The following CAPN14 variants were observed in gnomAD, a reference collection of about 807,000 sequenced individuals.
CAPN14 encodes calpain-14.
In CAPN14, 94 loss-of-function variants were observed where a neutral mutation model predicts 101.3. The observed-to-expected ratio is 0.93, with a 90% confidence interval of 0.79 to 1.10. CAPN14 has a LOEUF of 1.10. CAPN14 is among the 50% of genes least tolerant of loss of function. CAPN14 has a pLI of 0.00. For synonymous variants in CAPN14, 338 were observed against 317.9 expected (o/e 1.06, Z -0.67); for missense variants, 837 against 828.4 (o/e 1.01, Z -0.13).
chr2:31,198,863 C>T (rs1415889815), intron 7 of CAPN14, among the ~76,000 whole-genome samples: 3 of 152,198 alleles, frequency 2.0e-5, no homozygotes, highest in African/African-American at 7.2e-5. Context: ...AACCCAACAT[C>T]ACCTCCTCTG....
At chr2:31,186,123 T>C (rs1271634700) in intron 16 of CAPN14, among the ~76,000 whole-genome samples, 1 of 152,210 alleles carries the variant, frequency 6.6e-6, no homozygotes, top group South Asian at 2.1e-4. Flanking sequence ...CCACATGGAA[T>C]TGATATGCCA....
chr2:31,196,850 C>T (rs1456287114), intron 8 of CAPN14, among the ~76,000 whole-genome samples: 1 of 152,184 alleles, frequency 6.6e-6, no homozygotes, highest in Non-Finnish European at 1.5e-5. Context: ...CAGGGAAAGA[C>T]ACTGAACCCA....
At chr2:31,176,939 C>A in intron 20 of CAPN14, 87 bp downstream of exon 20, 2 of 988,688 alleles carry the variant, frequency 2.0e-6, no homozygotes, top group Non-Finnish European at 1.5e-6. Flanking sequence ...TGGCGGCTGT[C>A]CTCCCTTGTG....
At chr2:31,203,192 G>C (rs996454338) in intron 2 of CAPN14, 53 bp from the exon 3 acceptor site, 46 of 1,449,584 alleles carry the variant, frequency 3.2e-5, no homozygotes, top group Non-Finnish European at 4.3e-5. Context: ...AAAGCTCCTG[G>C]AGCTACAGTG....
chr2:31,193,085 G>A (rs961873421), intron 10 of CAPN14, 46 bp downstream of exon 10: 28 of 1,506,940 alleles, frequency 1.9e-5, no homozygotes, highest in South Asian at 1.2e-4. Context: ...TGACACCCCC[G>A]CCCACAACCT....
chr2:31,213,345 G>C (rs1682490483), intron 1 of CAPN14, among the ~76,000 whole-genome samples: 1 of 152,224 alleles, frequency 6.6e-6, no homozygotes, highest in South Asian at 2.1e-4. Flanking sequence ...CTACAGCCTG[G>C]ATAAATAAAG....
chr2:31,209,584 T>G (rs941065586), intron 1 of CAPN14, among the ~76,000 whole-genome samples: 1 of 152,194 alleles, frequency 6.6e-6, no homozygotes, highest in Non-Finnish European at 1.5e-5. Context: ...TTGTCTCTCC[T>G]GATAACCCTC....
chr2:31,222,613 T>C (rs1362405314), intron 2 of CAPN14, among the ~76,000 whole-genome samples: 1 of 152,250 alleles, frequency 6.6e-6, no homozygotes, highest in Non-Finnish European at 1.5e-5. Flanking sequence ...TGGTACATAA[T>C]ATGCACTCAA....
rs1680384097 is a variant in CAPN14 at position 31,177,798 on chromosome 2, A to G, written c.1803T>C (p.Arg601=). The change falls in exon 19 of 22, where the codon CGT becomes CGC. Residue 601 remains arginine, a synonymous_variant. Coordinates refer to ENST00000403897, the MANE Select transcript of CAPN14 (RefSeq NM_001145122.2). ...GCTCCCAGTTCAGGTATCCTGACCCACGGTCTTGCTTGTGGAAAACCTTCT... is the reference window on the plus strand; with the variant it reads ...GCTCCCAGTTCAGGTATCCTGACCCGCGGTCTTGCTTGTGGAAAACCTTCT... ...LSQKVFHKQD[R]GSGYLNWEQL... is the part of the protein sequence containing the mutation. 6.4e-7 allele frequency: 1 copy of G among 1,551,852 alleles called. No individual in the cohort carries two copies. Among genetic ancestry groups the G allele is most frequent in the Non-Finnish European group, 8.7e-7 (1 of 1,147,020 alleles).
chr2:31,194,607 C>A, intron 8 of CAPN14, 124 bp from the exon 9 acceptor site: 1 of 668,396 alleles, frequency 1.5e-6, no homozygotes, highest in Non-Finnish European at 2.6e-6. Context: ...ATTTCCCATT[C>A]CATATTATAC....
At chr2:31,203,649 T>C (rs535369203) in intron 2 of CAPN14, among the ~76,000 whole-genome samples, 176 of 152,166 alleles carry the variant, frequency 1.2e-3, no homozygotes, top group Non-Finnish European at 2.1e-3. Context: ...CCAAGTCAGA[T>C]GTAGAACAGA....
chr2:31,195,688 AC>A (rs1253126324), intron 8 of CAPN14, among the ~76,000 whole-genome samples: 1 of 152,228 alleles, frequency 6.6e-6, no homozygotes, highest in African/African-American at 2.4e-5. Flanking sequence ...CAGAGGGTCT[AC>A]AATTTAGTAG....
chr2:31,177,542 T>C (rs139101551), intron 19 of CAPN14, among the ~76,000 whole-genome samples: 47 of 152,330 alleles, frequency 3.1e-4, no homozygotes, highest in African/African-American at 1.1e-3. Flanking sequence ...AAATAAGAAG[T>C]TGAATGTGCC....
chr2:31,176,710 C>T (rs1485197854), intron 20 of CAPN14, 68 bp from the exon 21 acceptor site: 4 of 1,366,430 alleles, frequency 2.9e-6, no homozygotes, highest in Non-Finnish European at 4.1e-6. Context: ...TTAGTTCCTC[C>T]CATATGTCTC....
chr2:31,228,965 G>A (rs959240078), intron 1 of CAPN14, among the ~76,000 whole-genome samples: 6 of 152,328 alleles, frequency 3.9e-5, no homozygotes, highest in Middle Eastern at 3.4e-3. Flanking sequence ...GACACCTGGT[G>A]GGAGAGGGCC....
Position 31,203,107 on chromosome 2 carries a change from G to GGCACAGATCCA in CAPN14, c.257_258insTGGATCTGTGC (p.Lys87GlyfsTer15). The GGCACAGATCCA allele has an allele frequency of 1.3e-6, 2 of 1,551,586 alleles. No homozygotes were observed. Among genetic ancestry groups the GGCACAGATCCA allele is most frequent in the Middle Eastern group, 1.7e-4 (1 of 5,990 alleles). ...GGCACAGATCCAGCCTTTTGGCCTT[G>GGCACAGATCCA]GCAAAATAAAACTGGGGATTGCTGT... is the stretch of plus-strand genomic sequence containing the variant. On this transcript the variant is annotated frameshift_variant, in exon 3 of 22. Coordinates refer to ENST00000403897, the MANE Select transcript of CAPN14 (RefSeq NM_001145122.2). LOFTEE classifies it high-confidence loss of function.
chr2:31,226,899 G>A (rs1683038059), intron 1 of CAPN14, among the ~76,000 whole-genome samples: 1 of 152,116 alleles, frequency 6.6e-6, no homozygotes, highest in Admixed American at 6.5e-5. Context: ...TGGACTGAGG[G>A]GAAAGTGAGT....
intron 1 of CAPN14, among the ~76,000 whole-genome samples, chr2:31,209,574 T>C (rs1294464474): frequency 2.6e-5 from 4 of 152,302 alleles, no homozygotes; most frequent in African/African-American, 7.2e-5. Context: ...CAGGGTTTCC[T>C]TGTCTCTCCT....
chr2:31,205,974 A>G (rs1682054148), intron 1 of CAPN14, among the ~76,000 whole-genome samples: 1 of 151,472 alleles, frequency 6.6e-6, no homozygotes, highest in East Asian at 1.9e-4. Context: ...TCCTGCTTCA[A>G]TGTCCTCCTT....
Sources: gnomAD v4.1 joint callset for allele counts (sites outside exome capture counted in the v4.1 genomes callset) on GRCh38, gnomAD v4.1.1 for gene constraint, MANE v1.5 for transcripts, NCBI Gene and HGNC (gene_info 2026-07-23, HGNC 2026-07-21) for gene names.